Variants in ZC3HAV1 observed in about 807,000 individuals in gnomAD.
ZC3HAV1 encodes the protein zinc finger CCCH-type containing, antiviral 1.
In ZC3HAV1, 41 loss-of-function variants were observed where a neutral mutation model predicts 86.6. The observed-to-expected ratio is 0.47, with a 90% confidence interval of 0.37 to 0.61. The LOEUF (loss-of-function observed/expected upper bound fraction) is 0.61, where lower values mean the gene tolerates loss of function less well. Ranked by LOEUF, ZC3HAV1 falls within the 20% of genes least tolerant of loss-of-function variation. The pLI, the probability that ZC3HAV1 is intolerant of heterozygous loss-of-function variation, is 0.00. For synonymous variants in ZC3HAV1, 421 were observed against 432.1 expected (o/e 0.97, Z 0.32); for missense variants, 964 against 1,141.1 (o/e 0.84, Z 2.24).
intron 7 of ZC3HAV1, among the ~76,000 whole-genome samples, chr7:139,067,474 C>T (rs1272609873): frequency 3.9e-5 from 6 of 152,096 alleles, no homozygotes; most frequent in Admixed American, 2.6e-4. Flanking sequence ...TTCACCTCTA[C>T]CCTTTTACAG....
At chr7:139,076,774 C>T (rs182352714) in intron 5 of ZC3HAV1, among the ~76,000 whole-genome samples, 1 of 152,122 alleles carries the variant, frequency 6.6e-6, no homozygotes, top group East Asian at 1.9e-4. Context: ...TGCCTGTAAT[C>T]CCAGCTTCTC....
chr7:139,054,099 A>G lies in ZC3HAV1; in HGVS notation c.2188-4T>C. On this transcript the variant is annotated splice_polypyrimidine_tract_variant and splice_region_variant and intron_variant, in intron 10 of 12. Coordinates refer to ENST00000242351, the MANE Select transcript of ZC3HAV1 (RefSeq NM_020119.4). ...GTAGGTGATGGATCTCTGACAACTA[A>G]TAAAGTTTAAAAATAGATAAATGTG... The G allele has an allele frequency of 6.4e-7, 1 of 1,563,688 alleles. No homozygotes were observed. The highest frequency in any genetic ancestry group is 8.6e-7 in the Non-Finnish European group (1 of 1,164,086).
chr7:139,086,730 G>T (rs977297487), intron 2 of ZC3HAV1, among the ~76,000 whole-genome samples: 1 of 152,162 alleles, frequency 6.6e-6, no homozygotes, highest in African/African-American at 2.4e-5. Flanking sequence ...CATGGGGGCA[G>T]TTACTCCCAT....
intron 1 of ZC3HAV1, among the ~76,000 whole-genome samples, chr7:139,097,415 TATATA>T (rs1817625709): frequency 3.2e-4 from 26 of 80,052 alleles, no homozygotes; most frequent in Non-Finnish European, 4.6e-4. Context: ...TATATATATA[TATATA>T]TATATATATT....
In ZC3HAV1 at chr7:139,076,412, A is replaced by G. The variant is rs1401737860; in HGVS notation, c.1574-3T>C. On this transcript the variant is annotated splice_region_variant and splice_polypyrimidine_tract_variant and intron_variant, in intron 5 of 12. Coordinates refer to ENST00000242351, the MANE Select transcript of ZC3HAV1 (RefSeq NM_020119.4). ...GAAGTGGACTTTGCTGCAGCTACCT[A>G]CAAAGACAAAGAAGGGGTCTGAGGG... 3.1e-6 allele frequency: 5 copies of G among 1,613,936 alleles called. No homozygotes were observed. In the Admixed American group the frequency reaches 8.3e-5, roughly 27 times the overall value.
At chr7:139,088,857 C>T (rs559531077) in intron 2 of ZC3HAV1, among the ~76,000 whole-genome samples, 27 of 152,178 alleles carry the variant, frequency 1.8e-4, no homozygotes, top group African/African-American at 6.0e-4. Context: ...AATCCCAGAA[C>T]TTTGGGAGGC....
Position 139,109,546 on chromosome 7 carries a change from T to A in ZC3HAV1, c.-215A>T, listed in dbSNP as rs1254893064. The A allele has an allele frequency of 9.0e-6, 5 of 557,306 alleles. No homozygotes were observed. In the Admixed American group the frequency reaches 1.5e-4, roughly 17 times the overall value. 34.5% of individuals were successfully genotyped at this position (557,306 alleles called of 1,614,324 possible). ...AGGCTAGATCTCACCGACCGGGTCCTAGTGGCAGGTTTACAGCCGGCCGCA... is the reference window on the plus strand; with the variant it reads ...AGGCTAGATCTCACCGACCGGGTCCAAGTGGCAGGTTTACAGCCGGCCGCA... On this transcript the variant is annotated 5_prime_UTR_variant, in exon 1 of 13. Transcript: ENST00000242351.
At chr7:139,049,125 C>CTTTTTTTTT (rs754435812) in intron 12 of ZC3HAV1, among the ~76,000 whole-genome samples, 2 of 125,432 alleles carry the variant, frequency 1.6e-5, no homozygotes, top group Admixed American at 8.2e-5. Flanking sequence ...TCTCTCTCTC[C>CTTTTTTTTT]TTTTTTTTTT....
chr7:139,072,426 T>A (rs771110575), intron 7 of ZC3HAV1, among the ~76,000 whole-genome samples: 18 of 151,858 alleles, frequency 1.2e-4, no homozygotes, highest in Non-Finnish European at 1.8e-4. Context: ...CTTCAGGTGA[T>A]CCACCCCACC....
At chr7:139,071,638 A>G (rs1816776111) in intron 7 of ZC3HAV1, among the ~76,000 whole-genome samples, 1 of 152,144 alleles carries the variant, frequency 6.6e-6, no homozygotes, top group Non-Finnish European at 1.5e-5. Context: ...GCAAAGTTTA[A>G]TATCATAGGT....
intron 2 of ZC3HAV1, among the ~76,000 whole-genome samples, chr7:139,086,389 C>T (rs1405400750): frequency 6.6e-6 from 1 of 152,070 alleles, no homozygotes; most frequent in African/African-American, 2.4e-5. Flanking sequence ...CAGGCAAGAA[C>T]CTCCCCACCC....
chr7:139,075,364 C>G (rs1816909365), intron 6 of ZC3HAV1, among the ~76,000 whole-genome samples: 2 of 152,146 alleles, frequency 1.3e-5, no homozygotes, highest in South Asian at 4.1e-4. Flanking sequence ...TTCTTATATC[C>G]CTGCACACCA....
chr7:139,109,286 C>T lies in ZC3HAV1; in HGVS notation c.46G>A (p.Ala16Thr). ...VCCFITKILC[A>T]HGGRMALDAL... ...TCCAGGGCCATGCGGCCCCCGTGGG[C>T]GCACAGGATTTTGGTGATGAAGCAG... Residue 16 changes from alanine to threonine, a missense_variant, in exon 1 of 13, where the codon GCC becomes ACC. Physicochemically the swap from Ala to Thr is moderately conservative, Grantham distance 58. Transcript: ENST00000242351. The T allele has an allele frequency of 6.2e-7, 1 of 1,610,720 alleles. No homozygotes were observed. Among genetic ancestry groups the T allele is most frequent in the Non-Finnish European group, 8.5e-7 (1 of 1,179,188 alleles).
Position 139,045,544 on chromosome 7 carries a change from T to C in ZC3HAV1, c.*2050A>G, listed in dbSNP as rs1455929666. On this transcript the variant is annotated 3_prime_UTR_variant, in exon 13 of 13. Coordinates refer to ENST00000242351, the MANE Select transcript of ZC3HAV1 (RefSeq NM_020119.4). ...CTAGACTTAGAAACTGCTTAGATGT[T>C]TATCAGGAGGGAGAGGAAGGAGTCA... is the stretch of plus-strand genomic sequence containing the variant. 1 of 152,172 alleles carries C rather than the reference T, an allele frequency of 6.6e-6. No individual in the cohort carries two copies. The highest frequency in any genetic ancestry group is 1.5e-5 in the Non-Finnish European group (1 of 68,022). The allele number at this position is 152,172 out of a possible 1,614,324, so 9.4% of individuals were successfully genotyped here. A position where few individuals can be genotyped will look rare whatever the true frequency, so the allele number is the denominator to read the frequency against.
At chr7:139,072,280 G>C (rs1412964372) in intron 7 of ZC3HAV1, among the ~76,000 whole-genome samples, 3 of 151,978 alleles carry the variant, frequency 2.0e-5, no homozygotes, top group African/African-American at 7.3e-5. Flanking sequence ...CTGCCTGCAG[G>C]TTCAAGCGAT....
In ZC3HAV1 at chr7:139,047,678, G is replaced by A. The variant is rs781511013; in HGVS notation, c.2625C>T (p.Ser875=). 5.6e-6 allele frequency: 9 copies of A among 1,614,042 alleles called. No homozygotes were observed. Among genetic ancestry groups the A allele is most frequent in the East Asian group, 4.5e-5 (2 of 44,872 alleles). Reference sequence around the variant, plus strand: ...GATCTTTCTGAAAGATGACAAAAACGGAGGGATTCGATCTGGTATCCACAC... The same window carrying A: ...GATCTTTCTGAAAGATGACAAAAACAGAGGGATTCGATCTGGTATCCACAC... ...DSCVDTRSNP[S]VFVIFQKDQV... The change falls in exon 13 of 13, where the codon TCC becomes TCT. Residue 875 remains serine (S), a synonymous_variant. Coordinates refer to ENST00000242351, the MANE Select transcript of ZC3HAV1 (RefSeq NM_020119.4).
chr7:139,093,166 G>GA (rs1264733700), intron 1 of ZC3HAV1, among the ~76,000 whole-genome samples: 32 of 152,074 alleles, frequency 2.1e-4, no homozygotes, highest in Non-Finnish European at 3.8e-4. Context: ...AGAAATCAAA[G>GA]GTGACAGATA....
chr7:139,087,874 A>T lies in ZC3HAV1; in HGVS notation c.444+1750T>A, dbSNP rs148614508. 4.7e-3 allele frequency among the ~76,000 whole-genome samples: 712 copies of T among 151,430 alleles called. 3 individuals carry two copies. The highest frequency in any genetic ancestry group is 6.8e-3 in the Middle Eastern group (2 of 294). ...TGAGACCCTGTCCCTACTAAAATTTAAAAAAAAGTTAGCCAGCTATGGTGG... is the reference window on the plus strand; with the variant it reads ...TGAGACCCTGTCCCTACTAAAATTTTAAAAAAAGTTAGCCAGCTATGGTGG... On this transcript the variant is annotated intron_variant, in intron 2 of 12. Transcript: ENST00000242351.
chr7:139,089,175 CT>C (rs1355148011), intron 2 of ZC3HAV1, among the ~76,000 whole-genome samples: 1 of 150,988 alleles, frequency 6.6e-6, no homozygotes, highest in African/African-American at 2.4e-5. Context: ...TTGCTGACCC[CT>C]GACCTAGATT....
Sources: gnomAD v4.1 joint callset for allele counts (sites outside exome capture counted in the v4.1 genomes callset) on GRCh38, gnomAD v4.1.1 for gene constraint, MANE v1.5 for transcripts, NCBI Gene and HGNC (gene_info 2026-07-23, HGNC 2026-07-21) for gene names.